YIPF7: variants seen among roughly 807,000 people sequenced by gnomAD.
YIPF7 encodes the protein protein YIPF7.
A neutral mutation model predicts 27.2 loss-of-function variants in YIPF7; 35 were observed. That is an observed-to-expected ratio of 1.29 (90% CI 0.98 to 1.70). The LOEUF (loss-of-function observed/expected upper bound fraction) is 1.70, where lower values mean the gene tolerates loss of function less well. YIPF7 is among the 40% of genes most tolerant of loss of function. YIPF7 has a pLI of 0.00. For missense variants in YIPF7, 358 were observed against 303.7 expected, an observed-to-expected ratio of 1.18 and a Z score of -1.33; for synonymous variants, 137 against 110.4, an observed-to-expected ratio of 1.24 and a Z score of -1.51.
chr4:44,643,565 C>A (rs997381521), intron 2 of YIPF7, among the ~76,000 whole-genome samples: 1 of 152,102 alleles, frequency 6.6e-6, no homozygotes, highest in African/African-American at 2.4e-5. Context: ...TGCTATTAGT[C>A]AAGAAAACAG....
chr4:44,641,630 T>C (rs1405669614), intron 2 of YIPF7, among the ~76,000 whole-genome samples: 1 of 152,196 alleles, frequency 6.6e-6, no homozygotes. Context: ...TTCCTTCGAA[T>C]GTTAATCTTA....
chr4:44,659,258 G>A (rs1281670529), intron 2 of YIPF7, among the ~76,000 whole-genome samples: 1 of 151,410 alleles, frequency 6.6e-6, no homozygotes, highest in Non-Finnish European at 1.5e-5. Flanking sequence ...CTTACAATAT[G>A]CACACATGGC....
upstream of YIPF7, among the ~76,000 whole-genome samples, chr4:44,651,995 C>T (rs1713752789): frequency 6.6e-6 from 1 of 152,096 alleles, no homozygotes; most frequent in African/African-American, 2.4e-5. Context: ...GATCTCAGCA[C>T]CAAAATGAAA....
intron 3 of YIPF7, among the ~76,000 whole-genome samples, chr4:44,630,877 AAAGAG>A (rs1712866379): frequency 6.6e-6 from 1 of 152,230 alleles, no homozygotes; most frequent in Admixed American, 6.5e-5. Context: ...GCGAATATTC[AAAGAG>A]AAGAGTATGA....
intron 2 of YIPF7, among the ~76,000 whole-genome samples, chr4:44,649,121 C>A (rs1166622390): frequency 1.3e-5 from 2 of 152,048 alleles, no homozygotes; most frequent in Non-Finnish European, 2.9e-5. Flanking sequence ...TTGCAGTGCC[C>A]TTCTTAATTT....
intron 3 of YIPF7, among the ~76,000 whole-genome samples, chr4:44,635,677 G>A (rs1713089202): frequency 6.6e-6 from 1 of 152,166 alleles, no homozygotes; most frequent in Non-Finnish European, 1.5e-5. Flanking sequence ...TTAAGAAAGA[G>A]TGAAGGAGCA....
At chr4:44,640,332 G>C (rs1441553698) in intron 2 of YIPF7, among the ~76,000 whole-genome samples, 2 of 152,172 alleles carry the variant, frequency 1.3e-5, no homozygotes, top group African/African-American at 2.4e-5. Flanking sequence ...TTTCTTTGTT[G>C]ACAGACTCTT....
chr4:44,627,577 A>G (rs1409188919), intron 4 of YIPF7, among the ~76,000 whole-genome samples: 2 of 152,216 alleles, frequency 1.3e-5, no homozygotes, highest in East Asian at 1.9e-4. Flanking sequence ...GTAATATTCA[A>G]TTGGAGTTTT....
intron 2 of YIPF7, among the ~76,000 whole-genome samples, chr4:44,641,873 T>G (rs1333622451): frequency 6.6e-6 from 1 of 152,226 alleles, no homozygotes; most frequent in Non-Finnish European, 1.5e-5. Flanking sequence ...CCATATGTAA[T>G]ATTCCTAATC....
chr4:44,622,786 T>C (rs571477127), intron 5 of YIPF7, among the ~76,000 whole-genome samples: 1 of 152,332 alleles, frequency 6.6e-6, no homozygotes, highest in Admixed American at 6.5e-5. Context: ...TATATTTCTG[T>C]TAAACCTGAA....
At chr4:44,623,903 G>C (rs1712526880) in intron 5 of YIPF7, among the ~76,000 whole-genome samples, 1 of 152,160 alleles carries the variant, frequency 6.6e-6, no homozygotes, top group African/African-American at 2.4e-5. Context: ...AGAAGGCAGA[G>C]TGCCTGAAAG....
chr4:44,653,539 T>A (rs977228152), upstream of YIPF7, among the ~76,000 whole-genome samples: 1 of 151,716 alleles, frequency 6.6e-6, no homozygotes, highest in African/African-American at 2.4e-5. Flanking sequence ...TCCAGGAAAA[T>A]GATGAGTTAT....
At position 44,624,778 on chromosome 4, in the gene YIPF7, C is replaced by T. The variant is rs1455553675; in HGVS notation, c.431G>A (p.Gly144Glu). 2 of 1,606,578 alleles carry T rather than the reference C, an allele frequency of 1.2e-6. No homozygotes were observed. The highest frequency in any genetic ancestry group is 2.2e-5 in the East Asian group (1 of 44,696). The change falls in exon 5 of 6, where the codon GGA (glycine) becomes GAA (glutamate). Residue 144 changes from glycine (G) to glutamate (E), a missense_variant. By Grantham distance (98) the Gly-to-Glu change is moderately conservative (BLOSUM62 -2). Coordinates refer to ENST00000415895, the MANE Select transcript of YIPF7 (RefSeq NM_182592.3). ...VALGATLLLA[G>E]KVQFGYVYGM... Reference sequence around the variant, plus strand: ...ATACACATAACCAAACTGAACTTTTCCTGCCTGAAACGACGTGAAGAAAAA... The same window carrying T: ...ATACACATAACCAAACTGAACTTTTTCTGCCTGAAACGACGTGAAGAAAAA...
intron 5 of YIPF7, among the ~76,000 whole-genome samples, 176 bp from the exon 6 acceptor site, chr4:44,622,752 A>G (rs903901649): frequency 7.2e-5 from 11 of 152,228 alleles, no homozygotes; most frequent in Non-Finnish European, 8.8e-5. Flanking sequence ...TTTTAGTCAA[A>G]TTCATTACAG....
upstream of YIPF7, among the ~76,000 whole-genome samples, chr4:44,653,569 A>G (rs1306482301): frequency 6.6e-6 from 1 of 152,160 alleles, no homozygotes; most frequent in East Asian, 1.9e-4. Context: ...GGAAGGGCCA[A>G]CCAATAGGTA....
chr4:44,636,327 G>A (rs557806543), intron 2 of YIPF7, among the ~76,000 whole-genome samples: 1 of 152,164 alleles, frequency 6.6e-6, no homozygotes, highest in Non-Finnish European at 1.5e-5. Flanking sequence ...CATGCTGAAT[G>A]CTTCCCCTAA....
chr4:44,622,119 C>T lies in YIPF7; in HGVS notation c.*295G>A. The T allele has an allele frequency of 3.5e-6, 1 of 289,014 alleles. No individual in the cohort carries two copies. Among genetic ancestry groups the T allele is most frequent in the Middle Eastern group, 1.1e-3 (1 of 902 alleles). 17.9% of individuals were successfully genotyped at this position (289,014 alleles called of 1,614,324 possible). ...TTTAGTAAACATATGAGTTTATTTA[C>T]TTACTTTTCTCAGAAATACCTCTAT... On this transcript the variant is annotated 3_prime_UTR_variant, in exon 6 of 6. Coordinates refer to ENST00000415895, the MANE Select transcript of YIPF7 (RefSeq NM_182592.3).
chr4:44,622,538 C>A lies in YIPF7; in HGVS notation c.647G>T (p.Gly216Val). Residue 216 changes from glycine (G) to valine (V), a missense_variant, in exon 6 of 6, where the codon GGC becomes GTC. Transcript: ENST00000415895. ...FGIMSSLVII[G>V]WCSLSASKIF... ...CTTGGAAGCTGAGAGACTACACCAGCCAATGATGACCAGGGATGACATGAT... is the reference window on the plus strand; with the variant it reads ...CTTGGAAGCTGAGAGACTACACCAGACAATGATGACCAGGGATGACATGAT... 1 of 1,613,812 alleles carries A rather than the reference C, an allele frequency of 6.2e-7. No homozygotes were observed. The highest frequency in any genetic ancestry group is 8.5e-7 in the Non-Finnish European group (1 of 1,179,816).
At chr4:44,636,386 C>G (rs116067815) in intron 2 of YIPF7, among the ~76,000 whole-genome samples, 1 of 152,110 alleles carries the variant, frequency 6.6e-6, no homozygotes, top group South Asian at 2.1e-4. Context: ...TTTCTAATCC[C>G]ATTTTACAGA....
Sources: allele counts gnomAD v4.1 joint callset (sites outside exome capture counted in the v4.1 genomes callset), GRCh38; gene constraint gnomAD v4.1.1; transcripts MANE v1.5; gene names NCBI Gene and HGNC (gene_info 2026-07-23, HGNC 2026-07-21).